Variants in TOPAZ1 observed in about 807,000 individuals in gnomAD.
TOPAZ1 encodes protein TOPAZ1.
A neutral mutation model predicts 172.2 loss-of-function variants in TOPAZ1; 66 were observed. The ratio of observed to expected loss-of-function variants is 0.38; its 90% confidence interval spans 0.31 to 0.47. The LOEUF is 0.47. TOPAZ1 is among the 20% of genes least tolerant of loss of function. The probability of loss-of-function intolerance (pLI) is 0.99; values close to 1 mark genes in which losing one functional copy is unlikely to be tolerated. For missense variants in TOPAZ1, 1,822 were observed against 1,972.4 expected, an observed-to-expected ratio of 0.92 and a Z score of 1.44; for synonymous variants, 681 against 683.9, an observed-to-expected ratio of 1.00 and a Z score of 0.07.
intron 12 of TOPAZ1, among the ~76,000 whole-genome samples, chr3:44,296,184 T>G (rs1700191834): frequency 6.6e-6 from 1 of 152,014 alleles, no homozygotes; most frequent in Non-Finnish European, 1.5e-5. Flanking sequence ...TGAAAATATG[T>G]CACAACTTGG....
intron 13 of TOPAZ1, 41 bp from the exon 14 acceptor site, chr3:44,305,106 A>G: frequency 7.2e-7 from 1 of 1,392,344 alleles, no homozygotes; most frequent in African/African-American, 1.5e-5. Context: ...CATAGTTTTC[A>G]TTCTTTTTCT....
chr3:44,274,594 G>A (rs1211063226), intron 8 of TOPAZ1, among the ~76,000 whole-genome samples: 1 of 138,438 alleles, frequency 7.2e-6, no homozygotes, highest in Non-Finnish European at 1.5e-5. Flanking sequence ...ATTTCTTGTT[G>A]CCCAGGCTAG....
chr3:44,288,423 C>A (rs1559538298), intron 11 of TOPAZ1, among the ~76,000 whole-genome samples: 1 of 152,122 alleles, frequency 6.6e-6, no homozygotes, highest in African/African-American at 2.4e-5. Context: ...GTGGCTCACG[C>A]CTGTAATCCT....
rs1161699950 is a variant in TOPAZ1 at position 44,245,176 on chromosome 3, G to A, written c.2670G>A (p.Lys890=). The change falls in exon 2 of 20, where the codon AAG becomes AAA. Residue 890 remains lysine, a synonymous_variant. Coordinates refer to ENST00000309765, the MANE Select transcript of TOPAZ1 (RefSeq NM_001145030.2). ...TCTCATTTACTTCTGAGGTCCCAAAGATAAGCCAGGAGCCCAATGTTGCTG... is the reference window on the plus strand; with the variant it reads ...TCTCATTTACTTCTGAGGTCCCAAAAATAAGCCAGGAGCCCAATGTTGCTG... ...GELSFTSEVP[K]ISQEPNVAGE... is the part of the protein sequence containing the mutation. 6 of 1,551,762 alleles carry A rather than the reference G, an allele frequency of 3.9e-6. No homozygotes were observed. The Admixed American group carries it at 9.8e-5, about 25-fold the overall frequency.
intron 19 of TOPAZ1, among the ~76,000 whole-genome samples, chr3:44,331,233 A>C (rs1035942445): frequency 2.0e-5 from 3 of 152,202 alleles, no homozygotes; most frequent in African/African-American, 7.2e-5. Context: ...TGTTACAACC[A>C]GTATTATTTT....
intron 18 of TOPAZ1, among the ~76,000 whole-genome samples, chr3:44,327,788 A>C (rs1363683629): frequency 6.6e-6 from 1 of 151,718 alleles, no homozygotes; most frequent in Non-Finnish European, 1.5e-5. Context: ...ACTGTCGCCT[A>C]GGCTGGAGTA....
At chr3:44,296,586 C>CA (rs145738442) in intron 12 of TOPAZ1, among the ~76,000 whole-genome samples, 2,310 of 148,428 alleles carry the variant, frequency 0.016, 44 homozygotes, top group African/African-American at 0.048. Flanking sequence ...TTAAAAACCA[C>CA]AAAAAAAAAC....
At chr3:44,287,577 TATGTTA>T in intron 10 of TOPAZ1, 37 bp downstream of exon 10, 1 of 1,333,786 alleles carries the variant, frequency 7.5e-7, no homozygotes, top group Non-Finnish European at 9.9e-7. Context: ...TTTAATATTT[TATGTTA>T]ATTTCTCTGT....
intron 2 of TOPAZ1, among the ~76,000 whole-genome samples, chr3:44,251,818 C>G (rs1699635372): frequency 6.6e-6 from 1 of 152,176 alleles, no homozygotes; most frequent in Admixed American, 6.5e-5. Flanking sequence ...TTTCTGTAGC[C>G]TCATCCAAAT....
chr3:44,277,713 C>G (rs1025657158), intron 8 of TOPAZ1, among the ~76,000 whole-genome samples: 1 of 152,134 alleles, frequency 6.6e-6, no homozygotes, highest in Non-Finnish European at 1.5e-5. Flanking sequence ...GTGGATCCTT[C>G]ATGGCATGGT....
At chr3:44,313,496 A>T (rs572132959) in intron 16 of TOPAZ1, among the ~76,000 whole-genome samples, 1 of 151,744 alleles carries the variant, frequency 6.6e-6, no homozygotes, top group Admixed American at 6.6e-5. Flanking sequence ...GGACACCTGT[A>T]GTCCCAGCTA....
chr3:44,261,745 C>A lies in TOPAZ1; in HGVS notation c.2956-674C>A, dbSNP rs910179921. Among the ~76,000 whole-genome samples the A allele has an allele frequency of 6.6e-5, 10 of 152,220 alleles. No homozygotes were observed. In the East Asian group the frequency reaches 1.9e-3, roughly 29 times the overall value. ...CATTGAATCCATAAATTACTCTGGG[C>A]AGTATGGCCATTTTAATGATATTGC... On this transcript the variant is annotated intron_variant, in intron 4 of 19. Coordinates refer to ENST00000309765, the MANE Select transcript of TOPAZ1 (RefSeq NM_001145030.2).
intron 16 of TOPAZ1, among the ~76,000 whole-genome samples, chr3:44,315,456 C>T (rs939015428): frequency 1.6e-4 from 24 of 151,958 alleles, no homozygotes; most frequent in African/African-American, 5.8e-4. Context: ...AAACCTTTGC[C>T]TCCTGGGTTC....
Position 44,262,431 on chromosome 3 carries a change from G to A in TOPAZ1, c.2968G>A (p.Asp990Asn). ...SDLDEKHRFTDKVITKEEKEN... is the reference protein window; with the variant it reads ...SDLDEKHRFTNKVITKEEKEN... ...AATCTCTTCACAGCATAGATTTACA[G>A]ACAAAGTGATTACCAAAGAAGAAAA... Residue 990 changes from aspartate (D) to asparagine (N), a missense_variant, in exon 5 of 20, where the codon GAC (aspartate) becomes AAC (asparagine). Asp to Asn is a conservative substitution (Grantham distance 23). This residue lies in a region of TOPAZ1 where 1,489 missense variants were observed against 1,490.8 expected (regional missense o/e 1.00). Transcript: ENST00000309765. The A allele has an allele frequency of 6.7e-7, 1 of 1,487,572 alleles. No homozygotes were observed. Among genetic ancestry groups the A allele is most frequent in the Non-Finnish European group, 9.1e-7 (1 of 1,093,738 alleles). The allele number at this position is 1,487,572 out of a possible 1,614,324, so 92.1% of individuals were successfully genotyped here. A position where few individuals can be genotyped will look rare whatever the true frequency, so the allele number is the denominator to read the frequency against.
At chr3:44,267,289 CTTTT>C (rs71085610) in intron 6 of TOPAZ1, among the ~76,000 whole-genome samples, 153 bp downstream of exon 6, 4 of 104,620 alleles carry the variant, frequency 3.8e-5, no homozygotes, top group Admixed American at 1.0e-4. Context: ...TTACTTAGTA[CTTTT>C]TTTTTTTTTT....
chr3:44,278,832 T>G (rs1157541219), intron 8 of TOPAZ1, among the ~76,000 whole-genome samples: 1 of 151,868 alleles, frequency 6.6e-6, no homozygotes, highest in Non-Finnish European at 1.5e-5. Context: ...GTCTCTATTT[T>G]TTTCAGCCCC....
intron 6 of TOPAZ1, among the ~76,000 whole-genome samples, chr3:44,268,833 C>A (rs919712899): frequency 3.3e-4 from 51 of 152,280 alleles, no homozygotes; most frequent in South Asian, 2.1e-4. Flanking sequence ...TTTGGGGACA[C>A]AGTTCAGTCC....
intron 4 of TOPAZ1, among the ~76,000 whole-genome samples, chr3:44,257,714 C>A (rs1699730922): frequency 6.6e-6 from 1 of 151,752 alleles, no homozygotes; most frequent in Non-Finnish European, 1.5e-5. Flanking sequence ...TTGCCTTTAC[C>A]TAGTTTTCCC....
At chr3:44,306,449 T>C (rs1700337665) in intron 15 of TOPAZ1, 23 bp downstream of exon 15, 3 of 1,420,074 alleles carry the variant, frequency 2.1e-6, no homozygotes, top group Non-Finnish European at 2.9e-6. Flanking sequence ...GTTTTTGTCT[T>C]GGCTTGGTAT....
Sources: gnomAD v4.1 joint callset for allele counts (sites outside exome capture counted in the v4.1 genomes callset) on GRCh38, gnomAD v4.1.1 for gene constraint, gnomAD v4.1.1 regional missense constraint, MANE v1.5 for transcripts, NCBI Gene and HGNC (gene_info 2026-07-23, HGNC 2026-07-21) for gene names.